TPH2: variants seen among roughly 807,000 people sequenced by gnomAD.
The protein encoded by TPH2 is tryptophan hydroxylase 2.
Under a neutral mutation model 59.1 loss-of-function variants are expected in TPH2, and 27 were observed. The observed-to-expected ratio is 0.46, with a 90% CI of 0.34 to 0.63. The LOEUF is 0.63. Ranked by LOEUF, TPH2 falls within the 30% of genes least tolerant of loss-of-function variation. The probability of loss-of-function intolerance (pLI) is 0.01; values close to 1 mark genes in which losing one functional copy is unlikely to be tolerated. For missense variants in TPH2, 523 were observed against 588.3 expected (o/e 0.89, Z 1.15); for synonymous variants, 220 against 210.5 (o/e 1.05, Z -0.39).
At chr12:71,972,843 G>A (rs891263990) in intron 6 of TPH2, 128 bp downstream of exon 6, 11 of 1,016,892 alleles carry the variant, frequency 1.1e-5, no homozygotes, top group African/African-American at 8.0e-5. Context: ...TTGGCTTTGA[G>A]CCAACAATTA....
At chr12:72,023,088 CT>C (rs1361563724) in intron 9 of TPH2, among the ~76,000 whole-genome samples, 2 of 151,438 alleles carry the variant, frequency 1.3e-5, no homozygotes, top group African/African-American at 2.4e-5. Flanking sequence ...AAAATGGTCA[CT>C]TTTTTTTTCC....
At chr12:72,002,090 A>C (rs1488086880) in intron 8 of TPH2, among the ~76,000 whole-genome samples, 1 of 152,250 alleles carries the variant, frequency 6.6e-6, no homozygotes, top group African/African-American at 2.4e-5. Context: ...GGTAAGTGAG[A>C]TAAATGGACA....
intron 5 of TPH2, among the ~76,000 whole-genome samples, chr12:71,953,000 C>T (rs907451706): frequency 8.5e-5 from 13 of 152,138 alleles, no homozygotes; most frequent in African/African-American, 2.9e-4. Context: ...GTTTATATGC[C>T]ATTTACAAAT....
intron 5 of TPH2, among the ~76,000 whole-genome samples, chr12:71,951,960 G>T (rs922389946): frequency 6.6e-6 from 1 of 152,168 alleles, no homozygotes; most frequent in East Asian, 1.9e-4. Flanking sequence ...GGGAGGCAGA[G>T]GTTGCAGTGA....
At chr12:72,015,301 T>G (rs541775633) in intron 8 of TPH2, among the ~76,000 whole-genome samples, 69 of 132,192 alleles carry the variant, frequency 5.2e-4, no homozygotes, top group Non-Finnish European at 8.4e-4. Flanking sequence ...TTTTATGTGG[T>G]TTTTTTTTTG....
rs1056218418 is a variant in TPH2 at position 71,938,893 on chromosome 12, C to G, written c.-94C>G. The G allele has an allele frequency of 2.0e-5, 21 of 1,064,826 alleles. No homozygotes were observed. The highest frequency in any genetic ancestry group is 2.2e-5 in the Non-Finnish European group (15 of 688,100). The allele number at this position is 1,064,826 out of a possible 1,614,324, so 66.0% of individuals were successfully genotyped here. On this transcript the variant is annotated 5_prime_UTR_variant, in exon 1 of 11. Coordinates refer to ENST00000333850, the MANE Select transcript of TPH2 (RefSeq NM_173353.4). ...TCTGGACAGCGCCCCAAGCAGGCAGCTGATCGCACGCCCCTTCCTCTCAAT... is the reference window on the plus strand; with the variant it reads ...TCTGGACAGCGCCCCAAGCAGGCAGGTGATCGCACGCCCCTTCCTCTCAAT...
intron 1 of TPH2, among the ~76,000 whole-genome samples, chr12:71,940,187 A>G (rs1871017599): frequency 6.6e-6 from 1 of 152,198 alleles, no homozygotes; most frequent in Non-Finnish European, 1.5e-5. Flanking sequence ...GGTAATGGTT[A>G]ATGTATGACC....
rs1417997766 is a variant in TPH2, at chr12:71,962,272, T to A, written c.609-10247T>A. ...AGTTTTTGTTTGTAAAAAAATATTA[T>A]TAAATCATTGTGCTCTGTAGCCTTG... On this transcript the variant is annotated intron_variant, in intron 5 of 10. Coordinates refer to ENST00000333850, the MANE Select transcript of TPH2 (RefSeq NM_173353.4). 18 of 985,352 alleles carry A rather than the reference T, an allele frequency of 1.8e-5. 1 individual carries two copies. In the Admixed American group the frequency reaches 1.1e-3, roughly 61 times the overall value. The allele number at this position is 985,352 out of a possible 1,614,324, so 61.0% of individuals were successfully genotyped here.
At chr12:72,019,627 A>C (rs1873354821) in intron 8 of TPH2, among the ~76,000 whole-genome samples, 1 of 152,160 alleles carries the variant, frequency 6.6e-6, no homozygotes, top group Non-Finnish European at 1.5e-5. Context: ...TATACATAGA[A>C]TGTATTCCAC....
chr12:71,980,456 C>G (rs748451362), intron 7 of TPH2, among the ~76,000 whole-genome samples: 7 of 151,946 alleles, frequency 4.6e-5, no homozygotes, highest in Non-Finnish European at 1.0e-4. Flanking sequence ...TTTTCCTAGG[C>G]TGGCATAAGG....
intron 8 of TPH2, among the ~76,000 whole-genome samples, chr12:71,997,457 C>T (rs1344213809): frequency 2.0e-5 from 3 of 152,150 alleles, no homozygotes; most frequent in African/African-American, 7.2e-5. Context: ...AATACTCATA[C>T]CTTGAAATCT....
intron 9 of TPH2, among the ~76,000 whole-genome samples, chr12:72,024,429 A>G (rs1030700647): frequency 3.3e-5 from 5 of 152,246 alleles, no homozygotes; most frequent in African/African-American, 1.2e-4. Context: ...GACCTGATGT[A>G]GTATGGTAAT....
chr12:71,941,268 G>A (rs1358143829), intron 1 of TPH2, among the ~76,000 whole-genome samples: 2 of 152,078 alleles, frequency 1.3e-5, no homozygotes, highest in Non-Finnish European at 2.9e-5. Flanking sequence ...TCCTAGAAAG[G>A]CAGGAATTTT....
At chr12:71,985,504 T>G (rs1872406953) in intron 7 of TPH2, among the ~76,000 whole-genome samples, 1 of 152,166 alleles carries the variant, frequency 6.6e-6, no homozygotes, top group Admixed American at 6.5e-5. Flanking sequence ...GTTCAAGCGA[T>G]TCTCCTGCCT....
At chr12:71,965,369 C>T (rs1566126915) in intron 5 of TPH2, 1 of 152,182 alleles carries the variant, frequency 6.6e-6, no homozygotes, top group Non-Finnish European at 1.5e-5. Context: ...ATACTGCTTT[C>T]CACAATGGTT....
At chr12:71,966,238 C>A (rs1000390184) in intron 5 of TPH2, among the ~76,000 whole-genome samples, 2 of 150,048 alleles carry the variant, frequency 1.3e-5, no homozygotes, top group Non-Finnish European at 2.9e-5. Context: ...TCTTCAAAGG[C>A]CCTGTCTAAA....
At chr12:72,010,213 CCT>C (rs1455014650) in intron 8 of TPH2, among the ~76,000 whole-genome samples, 1 of 152,120 alleles carries the variant, frequency 6.6e-6, no homozygotes, top group Non-Finnish European at 1.5e-5. Context: ...GTAATGTCTG[CCT>C]CTCAGGGTTG....
In TPH2 at chr12:71,939,971, T is replaced by C. The variant is rs554334108; in HGVS notation, c.105+880T>C. Among the ~76,000 whole-genome samples, 10 of 152,308 alleles carry C rather than the reference T, an allele frequency of 6.6e-5. No individual in the cohort carries two copies. The East Asian group carries it at 1.7e-3, about 26-fold the overall frequency. Reference sequence around the variant, plus strand: ...TCCAAATATGTGCCAGAGGGCTGCGTTGGACTGACATATTATTACTGATAA... The same window carrying C: ...TCCAAATATGTGCCAGAGGGCTGCGCTGGACTGACATATTATTACTGATAA... On this transcript the variant is annotated intron_variant, in intron 1 of 10. Transcript: ENST00000333850.
rs142933082 is a variant in TPH2, at chr12:71,947,315, G to A, written c.541-2273G>A. ...CAGGTGATTCTAATATTCCATCACT[G>A]TTGACCTATTTGGGGTAGCTAATTG... On this transcript the variant is annotated intron_variant, in intron 4 of 10. Coordinates refer to ENST00000333850, the MANE Select transcript of TPH2 (RefSeq NM_173353.4). Among the ~76,000 whole-genome samples the A allele has an allele frequency of 5.2e-3, 787 of 152,072 alleles. 3 individuals carry two copies. Among genetic ancestry groups the A allele is most frequent in the African/African-American group, 0.017 (722 of 41,482 alleles).
Sources: allele counts gnomAD v4.1 joint callset (sites outside exome capture counted in the v4.1 genomes callset), GRCh38; gene constraint gnomAD v4.1.1; transcripts MANE v1.5; gene names NCBI Gene and HGNC (gene_info 2026-07-23, HGNC 2026-07-21).